Variants in TET3 observed in about 807,000 individuals in gnomAD.
The protein encoded by TET3 is methylcytosine dioxygenase TET3.
TET3 carries 19 observed loss-of-function variants against 141.4 expected under a neutral mutation model. That is an observed-to-expected ratio of 0.13 (90% CI 0.09 to 0.20). The LOEUF is 0.20. TET3 is among the 10% of genes least tolerant of loss of function. The pLI is 1.00. For missense variants in TET3, 1,874 were observed against 2,356.9 expected (o/e 0.80, Z 4.24); for synonymous variants, 1,043 against 980.9 (o/e 1.06, Z -1.18).
At chr2:74,068,097 C>T (rs1473259030) in intron 4 of TET3, among the ~76,000 whole-genome samples, 3 of 152,102 alleles carry the variant, frequency 2.0e-5, no homozygotes, top group Non-Finnish European at 4.4e-5. Flanking sequence ...GAGGAGCCTC[C>T]ATGAGTAGAC....
intron 4 of TET3, among the ~76,000 whole-genome samples, chr2:74,071,890 C>A (rs1008537386): frequency 2.6e-5 from 4 of 152,164 alleles, no homozygotes; most frequent in Non-Finnish European, 5.9e-5. Context: ...ATTTAAAATT[C>A]ATCCATGTTG....
chr2:74,089,421 T>G (rs1310991343), intron 7 of TET3, among the ~76,000 whole-genome samples: 1 of 152,208 alleles, frequency 6.6e-6, no homozygotes, highest in Non-Finnish European at 1.5e-5. Flanking sequence ...GCACTTGGGT[T>G]GTTTCCAGAT....
the TET3 span, among the ~76,000 whole-genome samples, chr2:74,114,882 GGAAAACTGGTTATCTATATGC>G: frequency 1.4e-4 from 11 of 80,840 alleles, no homozygotes; most frequent in African/African-American, 5.1e-4. Context: ...AAAGATGCTG[GGAAAACTGGTTATCTATATGC>G]GAAGAAGAAA....
At chr2:74,053,927 A>T (rs1688080088) in intron 4 of TET3, among the ~76,000 whole-genome samples, 1 of 152,160 alleles carries the variant, frequency 6.6e-6, no homozygotes, top group Admixed American at 6.5e-5. Flanking sequence ...CATATAAAGG[A>T]TGGGGAATCT....
the TET3 span, among the ~76,000 whole-genome samples, chr2:74,127,629 T>G: frequency 6.6e-6 from 1 of 151,746 alleles, no homozygotes; most frequent in Non-Finnish European, 1.5e-5. Flanking sequence ...TGTAAAAGCC[T>G]AAAACGGGGC....
chr2:74,033,795 A>G (rs1443083400), intron 3 of TET3, among the ~76,000 whole-genome samples: 3 of 152,254 alleles, frequency 2.0e-5, no homozygotes, highest in Non-Finnish European at 4.4e-5. Flanking sequence ...AAATGACACC[A>G]GTAAGATTTG....
intron 5 of TET3, among the ~76,000 whole-genome samples, chr2:74,078,368 T>C (rs1371099053): frequency 1.3e-5 from 2 of 152,228 alleles, no homozygotes; most frequent in Non-Finnish European, 2.9e-5. Context: ...TGTATTAATA[T>C]GTATATAGAG....
rs1572905889 is a variant in TET3 at position 74,101,239 on chromosome 2, A to C, written c.4451A>C (p.His1484Pro). 1.2e-6 allele frequency: 2 copies of C among 1,612,334 alleles called. No individual in the cohort carries two copies. Among genetic ancestry groups the C allele is most frequent in the Non-Finnish European group, 1.7e-6 (2 of 1,179,220 alleles). ...SFGASCLAPSHFTDGQWGLFP... is the reference protein window; with the variant it reads ...SFGASCLAPSPFTDGQWGLFP... ...GGGGCCAGCTGCCTGGCCCCTTCCCACTTCACAGATGGCCAGTGGGGGCTG... is the reference window on the plus strand; with the variant it reads ...GGGGCCAGCTGCCTGGCCCCTTCCCCCTTCACAGATGGCCAGTGGGGGCTG... Residue 1484 changes from histidine (H) to proline (P), a missense_variant, in exon 12 of 12, where the codon CAC (histidine) becomes CCC (proline). This residue lies in a region of TET3 where 602 missense variants were observed against 590.2 expected (regional missense o/e 1.02). Transcript: ENST00000409262. The surrounding 1 kb of genome is among the most constrained non-coding windows in gnomAD (Gnocchi z 8.5).
At chr2:74,065,998 C>T (rs1283200832) in intron 4 of TET3, among the ~76,000 whole-genome samples, 1 of 152,142 alleles carries the variant, frequency 6.6e-6, no homozygotes, top group East Asian at 1.9e-4. Context: ...ACCTCGTGAT[C>T]CGCCTGCCTT....
downstream of TET3, among the ~76,000 whole-genome samples, chr2:74,109,683 T>A (rs986707230): frequency 1.3e-5 from 2 of 152,196 alleles, no homozygotes; most frequent in African/African-American, 4.8e-5. Flanking sequence ...AACCTTCTTG[T>A]AACAGGTCCA....
chr2:74,088,142 C>T, intron 7 of TET3, 104 bp downstream of exon 7: 2 of 1,166,830 alleles, frequency 1.7e-6, no homozygotes, highest in Non-Finnish European at 2.4e-6. Flanking sequence ...GGGGCCCTCT[C>T]TGCGGCACTG....
chr2:74,082,018 A>G (rs1465508264), intron 6 of TET3, among the ~76,000 whole-genome samples: 1 of 151,532 alleles, frequency 6.6e-6, no homozygotes, highest in Non-Finnish European at 1.5e-5. Context: ...CCATCAGAGA[A>G]AAGACGTCAG....
rs771690674 is a variant in TET3, at chr2:74,047,759, C to G, written c.1842C>G (p.Pro614=). 1.2e-6 allele frequency: 2 copies of G among 1,613,760 alleles called. No individual in the cohort carries two copies. The highest frequency in any genetic ancestry group is 2.2e-5 in the South Asian group (2 of 91,038). The stretch of plus-strand genomic sequence containing the variant: ...CCATTCAGATCAAGAAGTCCAGGCC[C>G]CGGGAAGCACAGCCCCTCTTCCCAC... ...RKPIQIKKSR[P]REAQPLFPPV... is the part of the protein sequence containing the mutation. Residue 614 remains proline (P), a synonymous_variant, in exon 4 of 12, where the codon CCC becomes CCG. Transcript: ENST00000409262.
intron 4 of TET3, among the ~76,000 whole-genome samples, chr2:74,056,765 A>T (rs1012795664): frequency 3.3e-5 from 5 of 152,240 alleles, no homozygotes; most frequent in African/African-American, 7.2e-5. Flanking sequence ...ATCAATAAAA[A>T]TAGAGGAAAA....
chr2:74,026,498 G>A (rs753662702), intron 3 of TET3, among the ~76,000 whole-genome samples: 1 of 152,176 alleles, frequency 6.6e-6, no homozygotes, highest in Non-Finnish European at 1.5e-5. Flanking sequence ...ACCTAAGGAG[G>A]TTCCAGAGTG....
At chr2:74,129,842 C>G in the TET3 span, among the ~76,000 whole-genome samples, 2 of 151,942 alleles carry the variant, frequency 1.3e-5, no homozygotes, top group African/African-American at 4.8e-5. Context: ...GCCTATAATC[C>G]CAGCACTTTG....
At chr2:74,024,262 T>G (rs959205012) in intron 3 of TET3, among the ~76,000 whole-genome samples, 1 of 152,256 alleles carries the variant, frequency 6.6e-6, no homozygotes, top group African/African-American at 2.4e-5. Flanking sequence ...GAGTCTGTGC[T>G]CTGCATGGTC....
chr2:73,995,514 C>T (rs1040820484), intron 2 of TET3, among the ~76,000 whole-genome samples: 3 of 152,168 alleles, frequency 2.0e-5, no homozygotes, highest in African/African-American at 4.8e-5. Context: ...ATTTAAGAAG[C>T]GTGCCCTACC....
In TET3 at chr2:74,028,487, TGTATATG is replaced by T. The variant is rs543306465; in HGVS notation, c.361-17788_361-17782del. On this transcript the variant is annotated intron_variant, in intron 3 of 11. Coordinates refer to ENST00000409262, the MANE Select transcript of TET3 (RefSeq NM_001287491.2). ...CTTTGATCCATTTTGAGTGAGTTTT[TGTATATG>T]GTGTGAGGCAGGGGTTCACATGCTG... 1.6e-3 allele frequency among the ~76,000 whole-genome samples: 248 copies of T among 152,332 alleles called. No individual in the cohort carries two copies. The South Asian group carries it at 0.019, about 11-fold the overall frequency.
Sources: gnomAD v4.1 joint callset for allele counts (sites outside exome capture counted in the v4.1 genomes callset) on GRCh38, gnomAD v4.1.1 for gene constraint, gnomAD v4.1.1 regional missense constraint, Gnocchi (gnomAD v3.1) non-coding constraint, MANE v1.5 for transcripts, NCBI Gene and HGNC (gene_info 2026-07-23, HGNC 2026-07-21) for gene names.